The following SYCP1 variants were observed in gnomAD, a reference collection of about 807,000 sequenced individuals.
The protein encoded by SYCP1 is synaptonemal complex protein 1, also known as cancer/testis antigen 8.
SYCP1 carries 64 observed loss-of-function variants against 153.1 expected under a neutral mutation model. That is an observed-to-expected ratio of 0.42 (90% CI 0.34 to 0.51). The LOEUF (loss-of-function observed/expected upper bound fraction) is 0.51. Among genes scored for constraint, SYCP1 ranks in the 20% least tolerant of loss-of-function variants. SYCP1 has a pLI of 0.06. For synonymous variants in SYCP1, 384 were observed against 341.8 expected (o/e 1.12, Z -1.36); for missense variants, 997 against 1,049.0 (o/e 0.95, Z 0.68).
intron 15 of SYCP1, among the ~76,000 whole-genome samples, chr1:114,892,702 C>T (rs745686901): frequency 3.9e-5 from 6 of 152,046 alleles, no homozygotes; most frequent in Admixed American, 6.6e-5. Context: ...GGCGCACGCA[C>T]GGGAAGATGT....
intron 30 of SYCP1, among the ~76,000 whole-genome samples, chr1:114,990,548 G>T (rs981925907): frequency 1.3e-5 from 2 of 151,844 alleles, no homozygotes; most frequent in African/African-American, 4.8e-5. Context: ...AAAATAGTTG[G>T]TTCTTTGAAA....
In SYCP1 at chr1:114,885,638, T is replaced by C; in HGVS notation, c.1005+9T>C. 1.4e-6 allele frequency: 2 copies of C among 1,478,866 alleles called. No individual in the cohort carries two copies. Among genetic ancestry groups the C allele is most frequent in the Non-Finnish European group, 9.3e-7 (1 of 1,079,266 alleles). The allele number at this position is 1,478,866 out of a possible 1,614,324, so 91.6% of individuals were successfully genotyped here. A position where few individuals can be genotyped will look rare whatever the true frequency, so the allele number is the denominator to read the frequency against. On this transcript the variant is annotated intron_variant, in intron 13 of 31. Transcript: ENST00000369522. ...CATTACAAAGAAGTGTGGTATGATT[T>C]AAAAACTCATTAGTGTGTAATAAGT...
intron 27 of SYCP1, among the ~76,000 whole-genome samples, chr1:114,965,688 G>A (rs1333290786): frequency 6.6e-6 from 1 of 152,164 alleles, no homozygotes; most frequent in Non-Finnish European, 1.5e-5. Context: ...AACCAGCGTT[G>A]CATCCCAGGA....
chr1:114,858,430 T>A, intron 5 of SYCP1, 117 bp from the exon 6 acceptor site: 2 of 783,404 alleles, frequency 2.6e-6, no homozygotes, highest in Non-Finnish European at 3.8e-6. Flanking sequence ...CTATTAGTGC[T>A]TAAATTGAGG....
intron 25 of SYCP1, 55 bp downstream of exon 25, chr1:114,945,037 T>C (rs1670619050): frequency 8.2e-7 from 1 of 1,225,766 alleles, no homozygotes; most frequent in African/African-American, 1.5e-5. Context: ...ATATTTCTGT[T>C]AAATAATGGT....
chr1:114,894,050 T>G (rs967657766), intron 15 of SYCP1, among the ~76,000 whole-genome samples: 2 of 151,900 alleles, frequency 1.3e-5, no homozygotes, highest in Non-Finnish European at 2.9e-5. Flanking sequence ...CTTTTATATA[T>G]ATTTTTTCTC....
intron 23 of SYCP1, among the ~76,000 whole-genome samples, chr1:114,929,206 A>G (rs754629804): frequency 6.6e-6 from 1 of 152,194 alleles, no homozygotes; most frequent in East Asian, 1.9e-4. Context: ...TATCTAGTCC[A>G]TAACAATAGC....
chr1:114,995,196 AC>A lies in SYCP1; in HGVS notation c.*179del. 1 of 527,634 alleles carries A rather than the reference AC, an allele frequency of 1.9e-6. No homozygotes were observed. The highest frequency in any genetic ancestry group is 3.1e-6 in the Non-Finnish European group (1 of 320,654). The allele number at this position is 527,634 out of a possible 1,614,324, so 32.7% of individuals were successfully genotyped here. A position where few individuals can be genotyped will look rare whatever the true frequency, so the allele number is the denominator to read the frequency against. On this transcript the variant is annotated 3_prime_UTR_variant, in exon 32 of 32. Transcript: ENST00000369522. Reference sequence around the variant, plus strand: ...AATGTTAACTACATATTGTCTGGAAACCTGTCATTGTATTCAGATAATTAGA... The same window carrying A: ...AATGTTAACTACATATTGTCTGGAAACTGTCATTGTATTCAGATAATTAGA...
chr1:114,980,253 G>T (rs950805150), intron 28 of SYCP1, among the ~76,000 whole-genome samples: 3 of 151,818 alleles, frequency 2.0e-5, no homozygotes, highest in Non-Finnish European at 2.9e-5. Flanking sequence ...GGTGACCAAA[G>T]AAACTGTAAA....
chr1:114,928,316 C>A (rs969280394), intron 23 of SYCP1, among the ~76,000 whole-genome samples: 4 of 152,008 alleles, frequency 2.6e-5, no homozygotes, highest in Non-Finnish European at 5.9e-5. Context: ...TGTCACATTG[C>A]ACAACAGTGA....
chr1:114,873,209 T>C (rs1665277417), intron 8 of SYCP1, among the ~76,000 whole-genome samples: 1 of 152,178 alleles, frequency 6.6e-6, no homozygotes, highest in Admixed American at 6.6e-5. Flanking sequence ...AGTATGCTTG[T>C]ATTTTTATTG....
At chr1:114,873,896 G>T (rs989703330) in intron 8 of SYCP1, among the ~76,000 whole-genome samples, 27 of 152,084 alleles carry the variant, frequency 1.8e-4, no homozygotes, top group Admixed American at 5.2e-4. Flanking sequence ...TATGCTTGGA[G>T]AATTTTTGTA....
intron 5 of SYCP1, 131 bp downstream of exon 5, chr1:114,857,628 C>CT: frequency 1.5e-6 from 1 of 654,852 alleles, no homozygotes. Flanking sequence ...CCTTTAAAAC[C>CT]TTTTTTTCTG....
At chr1:114,962,353 A>G (rs1332349384) in intron 27 of SYCP1, among the ~76,000 whole-genome samples, 1 of 152,100 alleles carries the variant, frequency 6.6e-6, no homozygotes, top group African/African-American at 2.4e-5. Flanking sequence ...TGTTAGGTGC[A>G]TATATTTTTA....
At chr1:114,895,773 T>A (rs1217134686) in intron 16 of SYCP1, among the ~76,000 whole-genome samples, 7 of 152,152 alleles carry the variant, frequency 4.6e-5, no homozygotes, top group Non-Finnish European at 4.4e-5. Context: ...TGTAGCTGAT[T>A]GTAAATTTGG....
intron 8 of SYCP1, among the ~76,000 whole-genome samples, chr1:114,869,172 A>G (rs1331588990): frequency 6.6e-6 from 1 of 152,118 alleles, no homozygotes; most frequent in East Asian, 1.9e-4. Context: ...TATGCATTCA[A>G]TGCTATAAAT....
chr1:114,863,025 C>T (rs766129004), intron 8 of SYCP1: 5 of 152,124 alleles, frequency 3.3e-5, no homozygotes, highest in Non-Finnish European at 7.3e-5. Flanking sequence ...TTTTCTTTAT[C>T]CAGTCTGTCA....
chr1:114,858,684 A>G lies in SYCP1; in HGVS notation c.429A>G (p.Ala143=), dbSNP rs1295303307. 2 of 1,612,196 alleles carry G rather than the reference A, an allele frequency of 1.2e-6. No homozygotes were observed. Among genetic ancestry groups the G allele is most frequent in the Admixed American group, 3.4e-5 (2 of 59,642 alleles). The change falls in exon 6 of 32, where the codon GCA becomes GCG. Residue 143 remains alanine, a synonymous_variant. Transcript: ENST00000369522. ...AAGAAAACAGAAAGATAATTGAAGC[A>G]CAGCGAAAAGCCATTCAGGAACTGC... ...KLQENRKIIE[A]QRKAIQELQF...
intron 11 of SYCP1, among the ~76,000 whole-genome samples, chr1:114,877,330 C>T (rs1557763970): frequency 6.6e-6 from 1 of 152,094 alleles, no homozygotes; most frequent in Non-Finnish European, 1.5e-5. Context: ...TTGGCATTCA[C>T]AAGAATGTTT....
Sources: gnomAD v4.1 joint callset for allele counts (sites outside exome capture counted in the v4.1 genomes callset) on GRCh38, gnomAD v4.1.1 for gene constraint, MANE v1.5 for transcripts, NCBI Gene and HGNC (gene_info 2026-07-23, HGNC 2026-07-21) for gene names.